Variants in FBN2 observed in about 807,000 individuals in gnomAD.
FBN2 encodes fibrillin 2.
In FBN2, 105 loss-of-function variants were observed where a neutral mutation model predicts 355.6. The ratio of observed to expected loss-of-function variants is 0.30; its 90% CI spans 0.25 to 0.35. The LOEUF is 0.35. Among genes scored for constraint, FBN2 ranks in the 10% least tolerant of loss-of-function variants. The pLI is 1.00. For missense variants in FBN2, 3,280 were observed against 3,758.7 expected (o/e 0.87, Z 3.33); for synonymous variants, 1,350 against 1,301.2 (o/e 1.04, Z -0.81).
At chr5:128,464,001 T>C (rs1754628892) in intron 6 of FBN2, among the ~76,000 whole-genome samples, 1 of 152,220 alleles carries the variant, frequency 6.6e-6, no homozygotes, top group Non-Finnish European at 1.5e-5. Context: ...AAAATGGATT[T>C]AAGACATTTG....
At chr5:128,393,455 G>GATA in intron 9 of FBN2, 87 bp from the exon 10 acceptor site, 1 of 1,087,938 alleles carries the variant, frequency 9.2e-7, no homozygotes, top group Non-Finnish European at 1.4e-6. Context: ...AAGTCACTTT[G>GATA]GGTTACCTAT....
Position 128,434,398 on chromosome 5 carries a change from A to ATATATATATGTATATATATATATATATG in FBN2, c.952+12082_952+12083insCATATATATATATATATACATATATATA, listed in dbSNP as rs1490607390. On this transcript the variant is annotated intron_variant, in intron 7 of 64. Transcript: ENST00000262464. ...GCCTGGCAGTGAATAAAGTGTGTATATATATATATATATATATATATATAT... is the reference window on the plus strand; with the variant it reads ...GCCTGGCAGTGAATAAAGTGTGTATATATATATATGTATATATATATATATATGTATATATATATATATATATATATAT... 1.1e-4 allele frequency among the ~76,000 whole-genome samples: 8 copies of ATATATATATGTATATATATATATATATG among 71,554 alleles called. 1 individual carries two copies. Among genetic ancestry groups the ATATATATATGTATATATATATATATATG allele is most frequent in the Non-Finnish European group, 2.2e-4 (8 of 36,064 alleles). 46.9% of individuals were successfully genotyped at this position (71,554 alleles called of 152,430 possible). A position where few individuals can be genotyped will look rare whatever the true frequency, so the allele number is the denominator to read the frequency against.
At chr5:128,516,553 G>C (rs1756286617) in intron 5 of FBN2, among the ~76,000 whole-genome samples, 2 of 151,932 alleles carry the variant, frequency 1.3e-5, no homozygotes, top group African/African-American at 2.4e-5. Flanking sequence ...CAAAAGCCCA[G>C]ACAGCTAGAA....
At position 128,259,310 on chromosome 5, in the gene FBN2, G is replaced by T; in HGVS notation, c.*145C>A. On this transcript the variant is annotated 3_prime_UTR_variant, in exon 65 of 65. Transcript: ENST00000262464. ...GAGTCTAAATTATCCCTCCCTGTGA[G>T]GGTCAACATTCAAAGTCTAAGACAG... is the stretch of plus-strand genomic sequence containing the variant. 1 of 1,068,756 alleles carries T rather than the reference G, an allele frequency of 9.4e-7. No individual in the cohort carries two copies. The highest frequency in any genetic ancestry group is 1.4e-6 in the Non-Finnish European group (1 of 697,404). 66.2% of individuals were successfully genotyped at this position (1,068,756 alleles called of 1,614,324 possible). A position where few individuals can be genotyped will look rare whatever the true frequency, so the allele number is the denominator to read the frequency against.
chr5:128,377,705 G>T, intron 13 of FBN2, 47 bp downstream of exon 13: 2 of 1,596,044 alleles, frequency 1.3e-6, no homozygotes, highest in Non-Finnish European at 1.7e-6. Context: ...AAATAAAAAT[G>T]TATATCCTTT....
In FBN2 at chr5:128,312,794, G is replaced by A. The variant is rs763450594; in HGVS notation, c.4719C>T (p.Asp1573=). Residue 1573 remains aspartate, a splice_region_variant and synonymous_variant, in exon 37 of 65, where the codon GAC becomes GAT. Transcript: ENST00000262464. Reference sequence around the variant, plus strand: ...TCAGGTAGCAGTTGCCCACACGGTTGTCTGCAGAGCAACAAAGGAGCTTAC... The same window carrying A: ...TCAGGTAGCAGTTGCCCACACGGTTATCTGCAGAGCAACAAAGGAGCTTAC... ...QLNPTGVGCV[D]NRVGNCYLKF... The A allele has an allele frequency of 6.2e-7, 1 of 1,613,568 alleles. No individual in the cohort carries two copies. Among genetic ancestry groups the A allele is most frequent in the Non-Finnish European group, 8.5e-7 (1 of 1,179,994 alleles).
intron 7 of FBN2, among the ~76,000 whole-genome samples, chr5:128,432,981 G>A (rs1365250394): frequency 6.6e-6 from 1 of 152,028 alleles, no homozygotes; most frequent in Non-Finnish European, 1.5e-5. Context: ...AAAATCACCA[G>A]ATCTCATGAG....
intron 5 of FBN2, among the ~76,000 whole-genome samples, chr5:128,470,454 G>A (rs1754829028): frequency 1.3e-5 from 2 of 152,200 alleles, no homozygotes; most frequent in South Asian, 4.1e-4. Flanking sequence ...TTGGGGTTAA[G>A]AAAGAAGGTT....
At chr5:128,494,916 T>C (rs932006948) in intron 5 of FBN2, among the ~76,000 whole-genome samples, 1 of 152,096 alleles carries the variant, frequency 6.6e-6, no homozygotes, top group African/African-American at 2.4e-5. Context: ...GTGTCCATAG[T>C]ACACAGGAAA....
chr5:128,278,577 T>G, intron 57 of FBN2, 58 bp downstream of exon 57: 6 of 1,498,302 alleles, frequency 4.0e-6, no homozygotes, highest in Non-Finnish European at 5.6e-6. Flanking sequence ...TTCACATTTA[T>G]CTGAATTCAT....
intron 55 of FBN2, among the ~76,000 whole-genome samples, chr5:128,282,689 G>A (rs975406065): frequency 1.3e-5 from 2 of 152,076 alleles, no homozygotes; most frequent in Admixed American, 1.3e-4. Context: ...CTTTAATAGG[G>A]TGTATCTTGG....
At chr5:128,290,056 C>T (rs1749279002) in intron 50 of FBN2, 109 bp from the exon 51 acceptor site, 1 of 731,424 alleles carries the variant, frequency 1.4e-6, no homozygotes, top group Non-Finnish European at 2.5e-6. Context: ...GTTTCCATTA[C>T]AAAGCTGTCT....
At chr5:128,311,989 T>C (rs1299943403) in intron 37 of FBN2, 36 bp from the exon 38 acceptor site, 4 of 1,396,366 alleles carry the variant, frequency 2.9e-6, no homozygotes, top group Non-Finnish European at 4.1e-6. Flanking sequence ...GTTTGATACC[T>C]GTGTCCAAGT....
At chr5:128,291,799 A>T (rs1156249756) in intron 48 of FBN2, 145 bp from the exon 49 acceptor site, 3 of 879,084 alleles carry the variant, frequency 3.4e-6, no homozygotes, top group African/African-American at 3.4e-5. Context: ...ATAAACTATT[A>T]TTGCTTCAGA....
intron 6 of FBN2, among the ~76,000 whole-genome samples, chr5:128,463,072 A>G (rs1168952865): frequency 6.6e-6 from 1 of 152,126 alleles, no homozygotes; most frequent in Non-Finnish European, 1.5e-5. Context: ...AAAAAGTAGT[A>G]CTATAGTAAA....
intron 20 of FBN2, among the ~76,000 whole-genome samples, chr5:128,351,312 C>T (rs1281419254): frequency 5.3e-5 from 8 of 151,890 alleles, no homozygotes; most frequent in Admixed American, 1.3e-4. Flanking sequence ...TTTGGGAGGC[C>T]GAGGCAGGTG....
chr5:128,342,673 G>A (rs1257563371), intron 25 of FBN2, among the ~76,000 whole-genome samples: 1 of 152,100 alleles, frequency 6.6e-6, no homozygotes, highest in Non-Finnish European at 1.5e-5. Context: ...CCAAATCCAG[G>A]TAGAGCATCA....
chr5:128,521,363 T>C (rs1035512088), intron 4 of FBN2, among the ~76,000 whole-genome samples: 33 of 152,024 alleles, frequency 2.2e-4, no homozygotes, highest in Admixed American at 7.2e-4. Flanking sequence ...CTGGGGCCTG[T>C]CTGGGGAGGG....
intron 48 of FBN2, among the ~76,000 whole-genome samples, chr5:128,299,391 C>G (rs1749643070): frequency 6.8e-6 from 1 of 147,198 alleles, no homozygotes; most frequent in Non-Finnish European, 1.5e-5. Flanking sequence ...GCTTTGTTTA[C>G]CTAAGCAAGC....
Sources: gnomAD v4.1 joint callset for allele counts (sites outside exome capture counted in the v4.1 genomes callset) on GRCh38, gnomAD v4.1.1 for gene constraint, MANE v1.5 for transcripts, NCBI Gene and HGNC (gene_info 2026-07-23, HGNC 2026-07-21) for gene names.